ECI1: variants seen among roughly 807,000 people sequenced by gnomAD.
ECI1 encodes the protein enoyl-CoA delta isomerase 1.
In ECI1, 34 loss-of-function variants were observed where a neutral mutation model predicts 34.2. That is an observed-to-expected ratio of 1.00 (90% CI 0.76 to 1.33). ECI1 has a LOEUF of 1.33. ECI1 is among the 40% of genes most tolerant of loss of function. The pLI is 0.00. For synonymous variants in ECI1, 211 were observed against 193.0 expected (o/e 1.09, Z -0.77); for missense variants, 456 against 422.2 (o/e 1.08, Z -0.70).
Position 2,239,801 on chromosome 16 carries a change from C to T in ECI1, c.*178G>A. On this transcript the variant is annotated 3_prime_UTR_variant, in exon 7 of 7. Coordinates refer to ENST00000301729, the MANE Select transcript of ECI1 (RefSeq NM_001919.4). ...CCCTTGCCTGACGGGCACAGGCACC[C>T]ATGTGTGTTTGTGTGTGGCTGGGCC... 1.5e-6 allele frequency: 1 copy of T among 684,216 alleles called. No individual in the cohort carries two copies. Among genetic ancestry groups the T allele is most frequent in the Non-Finnish European group, 2.6e-6 (1 of 386,912 alleles). The allele number at this position is 684,216 out of a possible 1,614,324, so 42.4% of individuals were successfully genotyped here. A position where few individuals can be genotyped will look rare whatever the true frequency, so the allele number is the denominator to read the frequency against.
chr16:2,242,876 C>T (rs1160006388), intron 6 of ECI1, 170 bp downstream of exon 6: 31 of 640,388 alleles, frequency 4.8e-5, no homozygotes, highest in South Asian at 8.8e-5. Context: ...TGAGCTTCTG[C>T]GGTCTGGGCC....
At chr16:2,241,185 T>G (rs924886976) in intron 6 of ECI1, 2 of 151,706 alleles carry the variant, frequency 1.3e-5, no homozygotes. Flanking sequence ...ATAAAAAAAT[T>G]TCCATGGCAC....
intron 2 of ECI1, among the ~76,000 whole-genome samples, chr16:2,250,359 G>T (rs1397705105): frequency 6.6e-6 from 1 of 151,416 alleles, no homozygotes; most frequent in Non-Finnish European, 1.5e-5. Context: ...CCTCAGCCCA[G>T]ACAGAGAGGA....
At chr16:2,251,183 G>T in intron 2 of ECI1, 133 bp downstream of exon 2, 1 of 292,632 alleles carries the variant, frequency 3.4e-6, no homozygotes, top group Non-Finnish European at 5.6e-6. Flanking sequence ...GAGCGGCAAG[G>T]TTCTGTTTCG....
intron 6 of ECI1, chr16:2,242,722 T>G: frequency 9.5e-6 from 4 of 423,042 alleles, no homozygotes; most frequent in Non-Finnish European, 1.8e-5. Context: ...GAGGCAGAGA[T>G]TAGAGCGAGG....
intron 2 of ECI1, among the ~76,000 whole-genome samples, chr16:2,249,449 T>C (rs2093547667): frequency 1.3e-5 from 2 of 152,178 alleles, no homozygotes; most frequent in African/African-American, 4.8e-5. Flanking sequence ...ATGGCTAGAA[T>C]GGTAAATGTG....
In ECI1 at chr16:2,240,095, G is replaced by A. The variant is rs756352083; in HGVS notation, c.793C>T (p.Arg265Cys). Residue 265 changes from arginine (R) to cysteine (C), a missense_variant, in exon 7 of 7, where the codon CGC becomes TGC. By Grantham distance (180) the Arg-to-Cys change is radical. Transcript: ENST00000301729. ...TCCGCATCGCGCTGCGTGACCAGGC[G>A]GCTGGCCGTGGCCTTTCGCATCATG... ...KAMMRKATAS[R>C]LVTQRDADVQ... 30 of 1,613,882 alleles carry A rather than the reference G, an allele frequency of 1.9e-5. No homozygotes were observed. The highest frequency in any genetic ancestry group is 1.3e-4 in the South Asian group (12 of 91,086).
Position 2,251,384 on chromosome 16 carries a change from G to A in ECI1, c.98C>T (p.Ala33Val). The change falls in exon 2 of 7, where the codon GCC becomes GTC. Residue 33 changes from alanine (A) to valine (V), a missense_variant. Transcript: ENST00000301729. ...GCGCCGCGCGCCGTCTCCGCCGCCG[G>A]CCGCCCGCTCCGTCCGCCCGAGGGC... ...GAALGRTERA[A>V]GGGDGARRFG... 3 of 1,254,970 alleles carry A rather than the reference G, an allele frequency of 2.4e-6. No individual in the cohort carries two copies. The highest frequency in any genetic ancestry group is 3.2e-5 in the South Asian group (1 of 31,072). The allele number at this position is 1,254,970 out of a possible 1,614,324, so 77.7% of individuals were successfully genotyped here.
rs756038234 is a variant in ECI1 at position 2,243,344 on chromosome 16, G to C, written c.537C>G (p.Thr179=). 2 of 1,613,748 alleles carry C rather than the reference G, an allele frequency of 1.2e-6. No homozygotes were observed. Among genetic ancestry groups the C allele is most frequent in the Admixed American group, 3.3e-5 (2 of 60,030 alleles). The change falls in exon 5 of 7, where the codon ACC becomes ACG. Residue 179 remains threonine, a synonymous_variant. Coordinates refer to ENST00000301729, the MANE Select transcript of ECI1 (RefSeq NM_001919.4). The part of the protein sequence containing the change: ...NPRYCIGLNE[T]QLGIIAPFWL... ...AGAAAGGGGCGATGATGCCCAGCTG[G>C]GTCTCATTGAGTCCTATGCAGTACC...
intron 2 of ECI1, among the ~76,000 whole-genome samples, chr16:2,247,649 C>T (rs890141451): frequency 6.6e-6 from 1 of 152,176 alleles, no homozygotes; most frequent in Non-Finnish European, 1.5e-5. Flanking sequence ...CCGCTCGCCT[C>T]GGCCTCCCAA....
intron 6 of ECI1, chr16:2,242,286 C>G (rs1394688674): frequency 1.3e-5 from 2 of 152,380 alleles, no homozygotes; most frequent in African/African-American, 4.8e-5. Flanking sequence ...AGCCACCGCA[C>G]CTGGCCCACT....
intron 3 of ECI1, among the ~76,000 whole-genome samples, chr16:2,244,827 A>G (rs1030900181): frequency 1.3e-5 from 2 of 152,210 alleles, no homozygotes; most frequent in African/African-American, 4.8e-5. Context: ...TCTCAGGGAC[A>G]TAAGTGCGCC....
intron 4 of ECI1, 134 bp from the exon 5 acceptor site, chr16:2,243,573 C>G: frequency 9.5e-7 from 1 of 1,049,996 alleles, no homozygotes. Flanking sequence ...CCACAATGGT[C>G]TGGGCTGGGC....
intron 2 of ECI1, 98 bp from the exon 3 acceptor site, chr16:2,247,084 T>G: frequency 1.4e-6 from 2 of 1,424,984 alleles, no homozygotes; most frequent in Non-Finnish European, 1.9e-6. Context: ...CTGTGCATTT[T>G]GGGGGTTTTA....
intron 3 of ECI1, among the ~76,000 whole-genome samples, chr16:2,246,282 C>T (rs971499112): frequency 5.3e-5 from 8 of 152,206 alleles, no homozygotes; most frequent in African/African-American, 1.9e-4. Context: ...CTTGAGAACT[C>T]GCCCTGAAGA....
intron 2 of ECI1, among the ~76,000 whole-genome samples, chr16:2,247,585 C>T (rs1186873676): frequency 4.0e-5 from 6 of 151,868 alleles, no homozygotes; most frequent in Non-Finnish European, 5.9e-5. Context: ...TTAGTAGGGA[C>T]GGGGTTTTCT....
At position 2,243,334 on chromosome 16, in the gene ECI1, T is replaced by G. The variant is rs375350226; in HGVS notation, c.547A>C (p.Ile183Leu). The change falls in exon 5 of 7, where the codon ATC becomes CTC. Residue 183 changes from isoleucine to leucine, a missense_variant. Coordinates refer to ENST00000301729, the MANE Select transcript of ECI1 (RefSeq NM_001919.4). ...CIGLNETQLG[I>L]IAPFWLKDTL... ...GGGCCTTACCAGAAAGGGGCGATGA[T>G]GCCCAGCTGGGTCTCATTGAGTCCT... 2.5e-5 allele frequency: 41 copies of G among 1,613,590 alleles called. No homozygotes were observed. The highest frequency in any genetic ancestry group is 1.6e-4 in the Middle Eastern group (1 of 6,084).
In ECI1 at chr16:2,244,442, C is replaced by T. The variant is rs774973333; in HGVS notation, c.405G>A (p.Leu135=). ...AGACCAGCACCAGGTTGGACTGGTA[C>T]AACCGCAGCCACAGCTCCTGAACGG... ...WKAVQELWLR[L]YQSNLVLVSA... The change falls in exon 4 of 7, where the codon TTG becomes TTA. Residue 135 remains leucine, a synonymous_variant. Transcript: ENST00000301729. 5 of 1,612,130 alleles carry T rather than the reference C, an allele frequency of 3.1e-6. No homozygotes were observed. The highest frequency in any genetic ancestry group is 1.1e-5 in the South Asian group (1 of 90,818).
Position 2,239,884 on chromosome 16 carries a change from G to C in ECI1, c.*95C>G, listed in dbSNP as rs376845386. ...CTACGTAACATCAGCAAAATGAAAC[G>C]CTGGCAGTACTTTTAAGTTGAAAAA... is the stretch of plus-strand genomic sequence containing the variant. On this transcript the variant is annotated 3_prime_UTR_variant, in exon 7 of 7. Transcript: ENST00000301729. The C allele has an allele frequency of 7.5e-7, 1 of 1,338,728 alleles. No homozygotes were observed. The highest frequency in any genetic ancestry group is 1.7e-5 in the Admixed American group (1 of 59,370). 82.9% of individuals were successfully genotyped at this position (1,338,728 alleles called of 1,614,324 possible). A position where few individuals can be genotyped will look rare whatever the true frequency, so the allele number is the denominator to read the frequency against.
Sources: gnomAD v4.1 joint callset for allele counts (sites outside exome capture counted in the v4.1 genomes callset) on GRCh38, gnomAD v4.1.1 for gene constraint, MANE v1.5 for transcripts, NCBI Gene and HGNC (gene_info 2026-07-23, HGNC 2026-07-21) for gene names.